The following MID1 variants were observed in gnomAD, a reference collection of about 807,000 sequenced individuals.
The protein encoded by MID1 is midline 1, also known as E3 ubiquitin-protein ligase Midline-1.
Under a neutral mutation model 40.4 loss-of-function variants are expected in MID1, and 7 were observed. That is an observed-to-expected ratio of 0.17 (90% confidence interval 0.10 to 0.33). MID1 has a LOEUF of 0.33. Ranked by LOEUF, MID1 falls within the 10% of genes least tolerant of loss-of-function variation. The probability of loss-of-function intolerance (pLI) is 1.00; values close to 1 mark genes in which losing one functional copy is unlikely to be tolerated. For synonymous variants in MID1, 229 were observed against 221.2 expected, an observed-to-expected ratio of 1.04 and a Z score of -0.31; for missense variants, 367 against 558.5, an observed-to-expected ratio of 0.66 and a Z score of 3.46.
chrX:10,641,846 G>A (rs912010628), intron 1 of MID1, among the ~76,000 whole-genome samples: 1 of 111,868 alleles, frequency 8.9e-6, no homozygotes, highest in Non-Finnish European at 1.9e-5. Flanking sequence ...TCCCTGGGAT[G>A]CAAGGCTGGT....
intron 5 of MID1, among the ~76,000 whole-genome samples, chrX:10,481,836 A>G (rs1369626938): frequency 4.4e-5 from 5 of 112,581 alleles, no homozygotes; most frequent in Non-Finnish European, 9.4e-5. Flanking sequence ...TGTGTGCCGA[A>G]AAAATACTTA....
At chrX:10,719,340 T>C (rs2043330804) in intron 1 of MID1, among the ~76,000 whole-genome samples, 1 of 111,587 alleles carries the variant, frequency 9.0e-6, no homozygotes, top group Admixed American at 9.5e-5. Flanking sequence ...ATAAGCAACT[T>C]CAGCAAAGTC....
At chrX:10,589,284 CACTCAAATGGAGTAGGCAAGTTCCT>C (rs1339001678) in intron 1 of MID1, among the ~76,000 whole-genome samples, 3 of 111,744 alleles carry the variant, frequency 2.7e-5, no homozygotes, top group Non-Finnish European at 5.6e-5. Context: ...GCCATGCTTC[CACTCAAATGGAGTAGGCAAGTTCCT>C]ACTCAAATGG....
chrX:10,566,827 C>T, intron 2 of MID1, 61 bp downstream of exon 2: 3 of 1,145,528 alleles, frequency 2.6e-6, no homozygotes, highest in African/African-American at 1.8e-5. Flanking sequence ...AGTGAATACA[C>T]TTTTTATTTC....
In MID1 at chrX:10,807,137, C is replaced by T. The variant is rs759835587; in HGVS notation, c.-187+26417G>A. Reference sequence around the variant, plus strand: ...GCAGGCACCTGTAATCCCAGCTACTCGGGAGGCTGAGGCAGGAGAATTGCT... The same window carrying T: ...GCAGGCACCTGTAATCCCAGCTACTTGGGAGGCTGAGGCAGGAGAATTGCT... On this transcript the variant is annotated intron_variant, in intron 1 of 10. Coordinates refer to the MID1 transcript ENST00000380785. Among the ~76,000 whole-genome samples, 3 of 109,851 alleles carry T rather than the reference C, an allele frequency of 2.7e-5. No homozygotes were observed. In the East Asian group the frequency reaches 8.6e-4, roughly 32 times the overall value.
intron 1 of MID1, among the ~76,000 whole-genome samples, chrX:10,680,156 A>T (rs951431016): frequency 1.2e-4 from 14 of 112,197 alleles, no homozygotes; most frequent in Non-Finnish European, 2.4e-4. Context: ...TCATCTGACA[A>T]CACTGATTCA....
intron 1 of MID1, among the ~76,000 whole-genome samples, chrX:10,654,450 T>G (rs775906975): frequency 9.0e-6 from 1 of 111,577 alleles, no homozygotes; most frequent in Admixed American, 9.5e-5. Context: ...GGGAGGAAGG[T>G]GGTCTCAGGA....
At chrX:10,829,144 G>C (rs2044235505) in intron 1 of MID1, among the ~76,000 whole-genome samples, 1 of 112,247 alleles carries the variant, frequency 8.9e-6, no homozygotes, top group Admixed American at 9.4e-5. Flanking sequence ...AATACATGAT[G>C]AGTGTGTCAG....
At chrX:10,548,005 C>A (rs1285302709) in intron 2 of MID1, among the ~76,000 whole-genome samples, 1 of 111,932 alleles carries the variant, frequency 8.9e-6, no homozygotes, top group African/African-American at 3.2e-5. Context: ...TTGCCAGTAC[C>A]TTCTAAAAGT....
chrX:10,821,613 C>T (rs898097167), intron 1 of MID1, among the ~76,000 whole-genome samples: 2 of 112,161 alleles, frequency 1.8e-5, no homozygotes, highest in Non-Finnish European at 3.8e-5. Context: ...GTAAAGATAC[C>T]TAAAGAACAA....
intron 1 of MID1, among the ~76,000 whole-genome samples, chrX:10,798,266 C>T (rs1002529832): frequency 1.1e-4 from 12 of 112,183 alleles, no homozygotes; most frequent in African/African-American, 3.9e-4. Flanking sequence ...TAGTACTTGT[C>T]ACATTGCATT....
rs750077748 is a variant in MID1, at chrX:10,566,984, C to T, written c.564G>A (p.Val188=). 8.3e-7 allele frequency: 1 copy of T among 1,211,774 alleles called. No homozygotes were observed. Among genetic ancestry groups the T allele is most frequent in the Admixed American group, 2.2e-5 (1 of 46,046 alleles). ...AGGCACAGATTAACTGGTCATCGGT[C>T]ACACAGTACATATTCACCTTCTCAT... The part of the protein sequence containing the change: ...HEDEKVNMYC[V]TDDQLICALC... The change falls in exon 2 of 10, where the codon GTG becomes GTA. Residue 188 remains valine, a synonymous_variant. Coordinates refer to ENST00000317552, the MANE Select transcript of MID1 (RefSeq NM_000381.4).
intron 4 of MID1, among the ~76,000 whole-genome samples, chrX:10,486,511 C>A (rs975756439): frequency 1.8e-5 from 2 of 111,780 alleles, no homozygotes; most frequent in Non-Finnish European, 3.8e-5. Flanking sequence ...TTGGCATTCA[C>A]ACCCTTCCTC....
chrX:10,599,757 T>C (rs1177248814), intron 1 of MID1, among the ~76,000 whole-genome samples: 1 of 112,411 alleles, frequency 8.9e-6, no homozygotes, highest in African/African-American at 3.2e-5. Flanking sequence ...TTGAGGTGGT[T>C]GTTTGTATAA....
At chrX:10,528,130 A>G (rs963078994) in intron 2 of MID1, among the ~76,000 whole-genome samples, 2 of 111,084 alleles carry the variant, frequency 1.8e-5, no homozygotes, top group Non-Finnish European at 3.8e-5. Context: ...ATATCCTCCA[A>G]ATTCCAGGCT....
At chrX:10,763,136 G>T (rs73202022) in intron 1 of MID1, among the ~76,000 whole-genome samples, 14 of 94,749 alleles carry the variant, frequency 1.5e-4, no homozygotes, top group Non-Finnish European at 1.7e-4. Context: ...TACATGGCTG[G>T]TTTTTTTTTT....
chrX:10,497,667 T>C (rs1225922770), intron 3 of MID1, among the ~76,000 whole-genome samples: 2 of 111,929 alleles, frequency 1.8e-5, no homozygotes, highest in Admixed American at 1.9e-4. Context: ...TTCCCCTTAT[T>C]ACAATAGTCC....
intron 1 of MID1, among the ~76,000 whole-genome samples, chrX:10,818,762 C>T (rs1006120619): frequency 8.9e-6 from 1 of 112,211 alleles, no homozygotes; most frequent in Non-Finnish European, 1.9e-5. Context: ...TGAGTGCTTC[C>T]TCTGTTCAGA....
At chrX:10,464,674 C>T (rs1303331354) in intron 7 of MID1, among the ~76,000 whole-genome samples, 2 of 111,887 alleles carry the variant, frequency 1.8e-5, no homozygotes, top group Admixed American at 9.5e-5. Flanking sequence ...GTGCAGCAGT[C>T]GGGTTGCCAC....
Sources: gnomAD v4.1 joint callset for allele counts (sites outside exome capture counted in the v4.1 genomes callset) on GRCh38, gnomAD v4.1.1 for gene constraint, MANE v1.5 for transcripts, NCBI Gene and HGNC (gene_info 2026-07-23, HGNC 2026-07-21) for gene names.